Variants in MAP1S observed in about 807,000 individuals in gnomAD.
MAP1S encodes microtubule associated protein 1S, also known as microtubule-associated protein 1S.
A neutral mutation model predicts 60.9 loss-of-function variants in MAP1S; 27 were observed. The ratio of observed to expected loss-of-function variants is 0.44; its 90% CI spans 0.33 to 0.61. The LOEUF is 0.61. Ranked by LOEUF, MAP1S falls within the 20% of genes least tolerant of loss-of-function variation. The pLI, the probability that MAP1S is intolerant of heterozygous loss-of-function variation, is 0.03. For synonymous variants in MAP1S, 826 were observed against 694.2 expected, an observed-to-expected ratio of 1.19 and a Z score of -2.98; for missense variants, 1,608 against 1,486.6, an observed-to-expected ratio of 1.08 and a Z score of -1.34.
chr19:17,720,029 G>A (rs2080356415), intron 1 of MAP1S: 1 of 775,912 alleles, frequency 1.3e-6, no homozygotes, highest in Non-Finnish European at 1.6e-6. Flanking sequence ...TCTCCCGGAG[G>A]GAGAAGCAGA....
chr19:17,727,762 C>T lies in MAP1S; in HGVS notation c.2378C>T (p.Thr793Ile), dbSNP rs1279372013. 6.2e-7 allele frequency: 1 copy of T among 1,609,534 alleles called. No individual in the cohort carries two copies. The highest frequency in any genetic ancestry group is 1.3e-5 in the African/African-American group (1 of 74,880). Reference sequence around the variant, plus strand: ...ACATCGGTCAGCGAGTCCCTGCCCACCCTGTCTGACTCGGATCCCGTGCCC... The same window carrying T: ...ACATCGGTCAGCGAGTCCCTGCCCATCCTGTCTGACTCGGATCCCGTGCCC... ...PPTSVSESLP[T>I]LSDSDPVPLA... Residue 793 changes from threonine (T) to isoleucine (I), a missense_variant, in exon 5 of 7, where the codon ACC becomes ATC. By Grantham distance (89) the Thr-to-Ile change is moderately conservative (BLOSUM62 -1). This residue lies in a region of MAP1S where 1,167 missense variants were observed against 961.4 expected (regional missense o/e 1.21). Transcript: ENST00000324096. This position sits in a 1 kb window ranked among gnomAD's most constrained non-coding sequence, Gnocchi z 4.1.
Position 17,726,346 on chromosome 19 carries a change from C to T in MAP1S, c.962C>T (p.Ser321Phe). Reference protein sequence around the residue: ...ERSEVAAGGGSWDDRLRRLIS... With the variant: ...ERSEVAAGGGFWDDRLRRLIS... ...TCCGAGGTGGCTGCTGGTGGGGGCT[C>T]CTGGGACGACAGGCTGCGCAGGCTC... Residue 321 changes from serine (S) to phenylalanine (F), a missense_variant, in exon 5 of 7, where the codon TCC becomes TTC. Ser to Phe is a radical substitution (Grantham distance 155). Coordinates refer to ENST00000324096, the MANE Select transcript of MAP1S (RefSeq NM_018174.6). The T allele has an allele frequency of 3.1e-6, 5 of 1,601,280 alleles. No individual in the cohort carries two copies. Among genetic ancestry groups the T allele is most frequent in the Non-Finnish European group, 4.2e-6 (5 of 1,178,276 alleles).
Position 17,727,728 on chromosome 19 carries a change from A to G in MAP1S, c.2344A>G (p.Thr782Ala), listed in dbSNP as rs1384872942. Residue 782 changes from threonine (T) to alanine (A), a missense_variant, in exon 5 of 7, where the codon ACG becomes GCG. Around this residue, in one of 4 missense-constraint regions of MAP1S, gnomAD observed 1,167 missense variants for 961.4 expected, o/e 1.21. Coordinates refer to ENST00000324096, the MANE Select transcript of MAP1S (RefSeq NM_018174.6). This position sits in a 1 kb window ranked among gnomAD's most constrained non-coding sequence, Gnocchi z 4.1. ...GGCAGGTGGGCTGGGGGCCGAGGAG[A>G]CGCCACCCACATCGGTCAGCGAGTC... ...ERAGGLGAEE[T>A]PPTSVSESLP... is the part of the protein sequence containing the mutation. 6.2e-7 allele frequency: 1 copy of G among 1,605,466 alleles called. No individual in the cohort carries two copies. Among genetic ancestry groups the G allele is most frequent in the Non-Finnish European group, 8.5e-7 (1 of 1,176,228 alleles).
At position 17,732,326 on chromosome 19, in the gene MAP1S, C is replaced by T. The variant is rs568444264; in HGVS notation, c.2789-867C>T. Among the ~76,000 whole-genome samples the T allele has an allele frequency of 2.6e-5, 4 of 152,292 alleles. No homozygotes were observed. In the South Asian group the frequency reaches 6.2e-4, roughly 24 times the overall value. ...GGGTATGCATTTGTTGGTATACAGACGGGGTAGTACTCTTACCCCCTGAGC... is the reference window on the plus strand; with the variant it reads ...GGGTATGCATTTGTTGGTATACAGATGGGGTAGTACTCTTACCCCCTGAGC... On this transcript the variant is annotated intron_variant, in intron 5 of 6. Transcript: ENST00000324096.
chr19:17,726,732 C>T lies in MAP1S; in HGVS notation c.1348C>T (p.His450Tyr). The T allele has an allele frequency of 6.3e-7, 1 of 1,587,900 alleles. No homozygotes were observed. ...CLLDGLVRLQ[H>Y]LRFLREPVVT... ...CCTGGACGGCCTGGTCCGCCTGCAG[C>T]ACTTGAGGTTCCTGCGAGAGCCCGT... Residue 450 changes from histidine (H) to tyrosine (Y), a missense_variant, in exon 5 of 7, where the codon CAC (histidine) becomes TAC (tyrosine). By Grantham distance (83) the His-to-Tyr change is moderately conservative. Coordinates refer to ENST00000324096, the MANE Select transcript of MAP1S (RefSeq NM_018174.6).
chr19:17,726,243 G>T lies in MAP1S; in HGVS notation c.859G>T (p.Ala287Ser). The change falls in exon 5 of 7, where the codon GCC (alanine) becomes TCC (serine). Residue 287 changes from alanine to serine, a missense_variant. Ala to Ser is a moderately conservative substitution (Grantham distance 99). This residue lies in a region of MAP1S where 320 missense variants were observed against 393.1 expected (regional missense o/e 0.81). Transcript: ENST00000324096. ...KLVRHLDRVDAVLVTHPGADS... is the reference protein window; with the variant it reads ...KLVRHLDRVDSVLVTHPGADS... ...GGTGCGGCACCTGGACCGCGTGGATGCCGTGCTGGTGACCCACCCTGGCGC... is the reference window on the plus strand; with the variant it reads ...GGTGCGGCACCTGGACCGCGTGGATTCCGTGCTGGTGACCCACCCTGGCGC... The T allele has an allele frequency of 1.9e-6, 3 of 1,608,066 alleles. No individual in the cohort carries two copies. The highest frequency in any genetic ancestry group is 2.5e-6 in the Non-Finnish European group (3 of 1,177,716).
intron 1 of MAP1S, chr19:17,720,013 T>G: frequency 1.6e-6 from 1 of 621,848 alleles, no homozygotes; most frequent in East Asian, 1.1e-4. Flanking sequence ...GCAGCTTAGA[T>G]AGAGATCTCC....
rs773915548 is a variant in MAP1S at position 17,721,027 on chromosome 19, C to T, written c.210C>T (p.Ser70=). 6 of 1,613,818 alleles carry T rather than the reference C, an allele frequency of 3.7e-6. No individual in the cohort carries two copies. The African/African-American group carries it at 6.7e-5, about 18-fold the overall frequency. ...FVSRHSATFS[S]IVKGQRSLHH... ...CCCGACACTCTGCCACCTTCTCCAG[C>T]ATTGTGAAAGGTGAGGCTGGGGTCC... The change falls in exon 2 of 7, where the codon AGC becomes AGT. Residue 70 remains serine, a synonymous_variant. Transcript: ENST00000324096.
rs1023397689 is a variant in MAP1S, at chr19:17,728,263, T to A, written c.2788+91T>A. 6.3e-5 allele frequency: 86 copies of A among 1,365,060 alleles called. 1 individual carries two copies. The highest frequency in any genetic ancestry group is 7.3e-5 in the Non-Finnish European group (74 of 1,019,064). The allele number at this position is 1,365,060 out of a possible 1,614,324, so 84.6% of individuals were successfully genotyped here. On this transcript the variant is annotated intron_variant, in intron 5 of 6. Transcript: ENST00000324096. ...CCCCCTGTTTTTACATTTTCAGTTT[T>A]TTTAAAAGAGATGGTCTCACTCTGT...
chr19:17,730,261 C>G (rs2080481492), intron 5 of MAP1S, among the ~76,000 whole-genome samples: 2 of 152,150 alleles, frequency 1.3e-5, no homozygotes, highest in African/African-American at 4.8e-5. Flanking sequence ...TGCCTATTGG[C>G]CATTTGTCTG....
Position 17,719,487 on chromosome 19 carries a change from C to G in MAP1S, c.-16C>G, listed in dbSNP as rs758719923. ...GCCTGCGGGGCGGGCGCCGAGAACG[C>G]CGGGGCGGCCCGAAGATGGCGGCGG... On this transcript the variant is annotated 5_prime_UTR_variant, in exon 1 of 7. Coordinates refer to ENST00000324096, the MANE Select transcript of MAP1S (RefSeq NM_018174.6). The G allele has an allele frequency of 8.1e-7, 1 of 1,240,538 alleles. No individual in the cohort carries two copies. Among genetic ancestry groups the G allele is most frequent in the Non-Finnish European group, 1.0e-6 (1 of 984,650 alleles). 76.8% of individuals were successfully genotyped at this position (1,240,538 alleles called of 1,614,324 possible).
intron 3 of MAP1S, among the ~76,000 whole-genome samples, chr19:17,724,545 C>A (rs62121726): frequency 3.9e-4 from 60 of 152,280 alleles, no homozygotes; most frequent in African/African-American, 1.4e-3. Context: ...TTGTCTGAAT[C>A]GACTCACTAA....
In MAP1S at chr19:17,727,867, T is replaced by C. The variant is rs142835214; in HGVS notation, c.2483T>C (p.Leu828Pro). Residue 828 changes from leucine to proline, a missense_variant, in exon 5 of 7, where the codon CTC becomes CCC. Transcript: ENST00000324096. The surrounding 1 kb of genome is among the most constrained non-coding windows in gnomAD (Gnocchi z 4.1). ...VPRHDPLPDP[L>P]KVPPPLPDPS... ...CGCCACGACCCTTTGCCTGACCCCC[T>C]CAAGGTCCCCCCACCACTGCCTGAC... The C allele has an allele frequency of 1.2e-6, 2 of 1,609,994 alleles. No homozygotes were observed. The highest frequency in any genetic ancestry group is 1.7e-6 in the Non-Finnish European group (2 of 1,178,790).
chr19:17,721,961 C>T (rs914188178), intron 2 of MAP1S, among the ~76,000 whole-genome samples: 2 of 152,154 alleles, frequency 1.3e-5, no homozygotes, highest in African/African-American at 4.8e-5. Flanking sequence ...TCTCTTGAGT[C>T]ACCTCCCGGC....
chr19:17,726,511 C>G lies in MAP1S; in HGVS notation c.1127C>G (p.Pro376Arg). Residue 376 changes from proline (P) to arginine (R), a missense_variant, in exon 5 of 7, where the codon CCC becomes CGC. Pro to Arg is a moderately radical substitution (Grantham distance 103, BLOSUM62 -2). This residue lies in a region of MAP1S where 1,167 missense variants were observed against 961.4 expected (regional missense o/e 1.21). Coordinates refer to ENST00000324096, the MANE Select transcript of MAP1S (RefSeq NM_018174.6). The part of the protein sequence containing the change: ...GITPLPLSRG[P>R]VPAKPTVLFE... ...ACGCCTCTGCCACTCAGCCGCGGCC[C>G]CGTGCCAGCCAAACCCACCGTGCTC... 12 of 1,553,212 alleles carry G rather than the reference C, an allele frequency of 7.7e-6. No homozygotes were observed. Among genetic ancestry groups the G allele is most frequent in the Non-Finnish European group, 1.0e-5 (12 of 1,153,614 alleles).
chr19:17,728,993 T>C (rs1031766759), intron 5 of MAP1S: 5 of 152,212 alleles, frequency 3.3e-5, no homozygotes, highest in African/African-American at 1.2e-4. Context: ...TGAGCACGTA[T>C]GCCAACTGTG....
chr19:17,725,297 CCAT>C lies in MAP1S; in HGVS notation c.444+110_444+112del. On this transcript the variant is annotated intron_variant, in intron 4 of 6. Transcript: ENST00000324096. This position sits in a 1 kb window ranked among gnomAD's most constrained non-coding sequence, Gnocchi z 4.2. Reference sequence around the variant, plus strand: ...TGCTGTTTTCCATGGCCTGGTCTCCCCATCCTCTGTAGGATGGCAGTGGTGACA... The same window carrying C: ...TGCTGTTTTCCATGGCCTGGTCTCCCCCTCTGTAGGATGGCAGTGGTGACA... The C allele has an allele frequency of 7.2e-7, 1 of 1,382,484 alleles. No individual in the cohort carries two copies. The highest frequency in any genetic ancestry group is 1.4e-5 in the South Asian group (1 of 71,728). 85.6% of individuals were successfully genotyped at this position (1,382,484 alleles called of 1,614,324 possible).
chr19:17,720,004 C>A, intron 1 of MAP1S: 1 of 551,430 alleles, frequency 1.8e-6, no homozygotes, highest in Non-Finnish European at 2.4e-6. Flanking sequence ...CAGGTCTTAG[C>A]AGCTTAGATA....
At chr19:17,723,990 GTCCT>G (rs2080394266) in intron 2 of MAP1S, 132 bp from the exon 3 acceptor site, 1 of 660,302 alleles carries the variant, frequency 1.5e-6, no homozygotes, top group Admixed American at 2.3e-5. Flanking sequence ...TTCTTGCCTG[GTCCT>G]GACCTGCAGC....
Sources: allele counts gnomAD v4.1 joint callset (sites outside exome capture counted in the v4.1 genomes callset), GRCh38; gene constraint gnomAD v4.1.1; regional missense constraint gnomAD v4.1.1; non-coding constraint Gnocchi (gnomAD v3.1); transcripts MANE v1.5; gene names NCBI Gene and HGNC (gene_info 2026-07-23, HGNC 2026-07-21).